GRIP1: variants seen among roughly 807,000 people sequenced by gnomAD.
GRIP1 encodes the protein glutamate receptor-interacting protein 1.
Under a neutral mutation model 129.9 loss-of-function variants are expected in GRIP1, and 45 were observed. The ratio of observed to expected loss-of-function variants is 0.35; its 90% CI spans 0.27 to 0.44. GRIP1 has a LOEUF of 0.44. Ranked by LOEUF, GRIP1 falls within the 20% of genes least tolerant of loss-of-function variation. The pLI, the probability that GRIP1 is intolerant of heterozygous loss-of-function variation, is 1.00. For missense variants in GRIP1, 1,196 were observed against 1,396.8 expected (o/e 0.86, Z 2.29); for synonymous variants, 530 against 520.8 (o/e 1.02, Z -0.24).
At chr12:66,585,398 C>A (rs1032171536) in intron 2 of GRIP1, among the ~76,000 whole-genome samples, 1 of 136,364 alleles carries the variant, frequency 7.3e-6, no homozygotes, top group African/African-American at 2.7e-5. Flanking sequence ...TGATGATTTC[C>A]AGTTTCATCC....
At chr12:66,677,612 A>T (rs1352063934) in intron 1 of GRIP1, among the ~76,000 whole-genome samples, 2 of 152,182 alleles carry the variant, frequency 1.3e-5, no homozygotes, top group African/African-American at 4.8e-5. Flanking sequence ...TTTAAAATGT[A>T]TAATCTTCCC....
chr12:67,039,049 A>G (rs1253257846), intron 1 of GRIP1, among the ~76,000 whole-genome samples: 1 of 140,534 alleles, frequency 7.1e-6, no homozygotes, highest in Non-Finnish European at 1.6e-5. Flanking sequence ...ACACACACAC[A>G]CACTTAGCAT....
intron 1 of GRIP1, among the ~76,000 whole-genome samples, chr12:66,723,582 G>A (rs1458811652): frequency 6.6e-6 from 1 of 151,882 alleles, no homozygotes; most frequent in Non-Finnish European, 1.5e-5. Context: ...CAGAGTGCTA[G>A]GATCACAGGC....
At chr12:66,990,111 T>C (rs1417368376) in intron 1 of GRIP1, among the ~76,000 whole-genome samples, 1 of 152,166 alleles carries the variant, frequency 6.6e-6, no homozygotes, top group Non-Finnish European at 1.5e-5. Flanking sequence ...GAAAATACTG[T>C]CTCAAATTCC....
At chr12:66,847,297 C>T (rs1329160173) in intron 1 of GRIP1, among the ~76,000 whole-genome samples, 1 of 152,130 alleles carries the variant, frequency 6.6e-6, no homozygotes, top group Admixed American at 6.6e-5. Context: ...GGGCTACAAA[C>T]CCCTGAATGA....
chr12:66,825,608 A>G (rs1221552606), intron 1 of GRIP1, among the ~76,000 whole-genome samples: 1 of 152,184 alleles, frequency 6.6e-6, no homozygotes, highest in Non-Finnish European at 1.5e-5. Flanking sequence ...ATAATATAGT[A>G]CCTTCATCCC....
chr12:66,428,017 A>C (rs2058038910), intron 14 of GRIP1, among the ~76,000 whole-genome samples: 1 of 152,162 alleles, frequency 6.6e-6, no homozygotes. Flanking sequence ...TTCAAGTCTT[A>C]AGCATTAGTT....
At chr12:66,749,393 C>T (rs558689723) in intron 1 of GRIP1, among the ~76,000 whole-genome samples, 1 of 152,302 alleles carries the variant, frequency 6.6e-6, no homozygotes, top group South Asian at 2.1e-4. Flanking sequence ...CCCCAGTTAA[C>T]TTGCCTTTTC....
chr12:66,533,593 C>A (rs1474375242), intron 4 of GRIP1, among the ~76,000 whole-genome samples: 1 of 151,882 alleles, frequency 6.6e-6, no homozygotes, highest in African/African-American at 2.4e-5. Flanking sequence ...TGCAGTGAGC[C>A]GAGATTGTGC....
At chr12:66,587,828 GCAAT>G (rs1217179231) in intron 2 of GRIP1, among the ~76,000 whole-genome samples, 1 of 152,164 alleles carries the variant, frequency 6.6e-6, no homozygotes, top group Non-Finnish European at 1.5e-5. Flanking sequence ...TTCCAGGGGT[GCAAT>G]CAAACTGCTA....
intron 1 of GRIP1, among the ~76,000 whole-genome samples, chr12:66,732,240 T>C (rs1164422556): frequency 1.3e-5 from 2 of 152,098 alleles, no homozygotes; most frequent in African/African-American, 2.4e-5. Context: ...CTACTCAACA[T>C]AAAGATGATA....
intron 7 of GRIP1, among the ~76,000 whole-genome samples, chr12:66,473,023 G>A (rs2059485507): frequency 6.6e-6 from 1 of 152,142 alleles, no homozygotes; most frequent in Non-Finnish European, 1.5e-5. Flanking sequence ...GAGCCAAGTG[G>A]TCTAGCTCAG....
At chr12:66,786,829 A>C (rs2038362590) in intron 1 of GRIP1, among the ~76,000 whole-genome samples, 1 of 152,198 alleles carries the variant, frequency 6.6e-6, no homozygotes, top group African/African-American at 2.4e-5. Flanking sequence ...CTAAGGCTTA[A>C]CAAATGATCT....
At chr12:66,604,395 T>C (rs1208718414) in intron 1 of GRIP1, among the ~76,000 whole-genome samples, 2 of 152,234 alleles carry the variant, frequency 1.3e-5, no homozygotes, top group Non-Finnish European at 2.9e-5. Flanking sequence ...CTTCCTAATA[T>C]TGTTTCCAGC....
At chr12:66,661,994 C>T (rs1286342536) in intron 1 of GRIP1, among the ~76,000 whole-genome samples, 3 of 152,082 alleles carry the variant, frequency 2.0e-5, no homozygotes, top group Non-Finnish European at 4.4e-5. Context: ...GTAGCCATTC[C>T]CACCCTGGGT....
chr12:66,615,976 C>T (rs1231614845), intron 1 of GRIP1, among the ~76,000 whole-genome samples: 1 of 152,110 alleles, frequency 6.6e-6, no homozygotes, highest in Admixed American at 6.6e-5. Flanking sequence ...AACCACGATG[C>T]CTGCATTCAA....
chr12:66,424,793 TCC>T (rs1269029266), intron 14 of GRIP1, among the ~76,000 whole-genome samples: 5 of 152,210 alleles, frequency 3.3e-5, no homozygotes, highest in African/African-American at 1.2e-4. Context: ...TCCTCATATT[TCC>T]CAGGATATAT....
At chr12:66,403,339 C>T (rs1053889594) in intron 16 of GRIP1, among the ~76,000 whole-genome samples, 1 of 152,092 alleles carries the variant, frequency 6.6e-6, no homozygotes, top group African/African-American at 2.4e-5. Flanking sequence ...AAAACATTTG[C>T]TCTTTGTGAA....
intron 1 of GRIP1, among the ~76,000 whole-genome samples, chr12:67,000,114 A>G (rs73133693): frequency 0.12 from 17,794 of 152,172 alleles, 1,261 homozygotes; most frequent in African/African-American, 0.19. Flanking sequence ...ACCTCGAACT[A>G]GGCAAGGACC....
Sources: allele counts gnomAD v4.1 joint callset (sites outside exome capture counted in the v4.1 genomes callset), GRCh38; gene constraint gnomAD v4.1.1; transcripts MANE v1.5; gene names NCBI Gene and HGNC (gene_info 2026-07-23, HGNC 2026-07-21).